Variants in LOXL3 observed in about 807,000 individuals in gnomAD.
LOXL3 encodes the protein lysyl oxidase homolog 3.
In LOXL3, 60 loss-of-function variants were observed where a neutral mutation model predicts 91.8. The observed-to-expected ratio is 0.65, with a 90% CI of 0.53 to 0.81. The LOEUF (loss-of-function observed/expected upper bound fraction) is 0.81. Ranked by LOEUF, LOXL3 falls within the 30% of genes least tolerant of loss-of-function variation. LOXL3 has a pLI of 0.00. For missense variants in LOXL3, 874 were observed against 1,000.4 expected (o/e 0.87, Z 1.70); for synonymous variants, 355 against 387.6 (o/e 0.92, Z 0.99).
Position 74,535,252 on chromosome 2 carries a change from A to G in LOXL3, c.1579+40T>C. ...TTCCCTGCAAACGGGTGGCCCAGAC[A>G]CTCCCTTCCCTGGCATGCATCACCC... On this transcript the variant is annotated intron_variant, in intron 9 of 13. Transcript: ENST00000264094. The surrounding 1 kb of genome is among the most constrained non-coding windows in gnomAD (Gnocchi z 4.2). The G allele has an allele frequency of 3.8e-6, 6 of 1,581,138 alleles. No individual in the cohort carries two copies. Among genetic ancestry groups the G allele is most frequent in the African/African-American group, 1.4e-5 (1 of 73,704 alleles).
chr2:74,549,621 G>T lies in LOXL3; in HGVS notation c.478-38C>A. 1 of 1,579,638 alleles carries T rather than the reference G, an allele frequency of 6.3e-7. No homozygotes were observed. Among genetic ancestry groups the T allele is most frequent in the South Asian group, 1.1e-5 (1 of 87,562 alleles). ...CCACAAGCAGGGAAAGAATCCCAGTGGCACCTTTCATGTGTCCCGCCGCCC... is the reference window on the plus strand; with the variant it reads ...CCACAAGCAGGGAAAGAATCCCAGTTGCACCTTTCATGTGTCCCGCCGCCC... On this transcript the variant is annotated intron_variant, in intron 3 of 13. Transcript: ENST00000264094. The surrounding 1 kb of genome is among the most constrained non-coding windows in gnomAD (Gnocchi z 5.3).
chr2:74,546,485 C>T (rs1476027802), intron 4 of LOXL3, among the ~76,000 whole-genome samples: 1 of 152,142 alleles, frequency 6.6e-6, no homozygotes, highest in Non-Finnish European at 1.5e-5. Context: ...CAGCTCCAGC[C>T]ACAGTGGCCT....
At position 74,536,246 on chromosome 2, in the gene LOXL3, G is replaced by A. The variant is rs370491103; in HGVS notation, c.1093+45C>T. 41 of 1,612,098 alleles carry A rather than the reference G, an allele frequency of 2.5e-5. No homozygotes were observed. The African/African-American group carries it at 4.9e-4, about 19-fold the overall frequency. ...TTCCGAAGGAATATGCCCCCCAGGA[G>A]CATGTACCTCCTTCCCTCTCCCTCC... On this transcript the variant is annotated intron_variant, in intron 6 of 13. Coordinates refer to ENST00000264094, the MANE Select transcript of LOXL3 (RefSeq NM_032603.5). This position sits in a 1 kb window ranked among gnomAD's most constrained non-coding sequence, Gnocchi z 4.5.
intron 2 of LOXL3, among the ~76,000 whole-genome samples, chr2:74,551,311 A>G (rs2104449348): frequency 6.6e-6 from 1 of 152,320 alleles, no homozygotes; most frequent in East Asian, 1.9e-4. Flanking sequence ...GCCAATGTTC[A>G]AGGACATCTC....
At position 74,552,489 on chromosome 2, in the gene LOXL3, A is replaced by G; in HGVS notation, c.146T>C (p.Phe49Ser). The G allele has an allele frequency of 1.2e-6, 2 of 1,613,522 alleles. No individual in the cohort carries two copies. Among genetic ancestry groups the G allele is most frequent in the Non-Finnish European group, 1.7e-6 (2 of 1,179,916 alleles). Reference protein sequence around the residue: ...SQGLRFRLAGFPRKPYEGRVE... With the variant: ...SQGLRFRLAGSPRKPYEGRVE... ...GCGGCCCTCGTAGGGCTTCCTGGGGAAGCCAGCCAGCCGGAACCGAAGCCC... is the reference window on the plus strand; with the variant it reads ...GCGGCCCTCGTAGGGCTTCCTGGGGGAGCCAGCCAGCCGGAACCGAAGCCC... The change falls in exon 2 of 14, where the codon TTC becomes TCC. Residue 49 changes from phenylalanine (F) to serine (S), a missense_variant. Physicochemically the swap from Phe to Ser is radical, Grantham distance 155 (BLOSUM62 -2). Coordinates refer to ENST00000264094, the MANE Select transcript of LOXL3 (RefSeq NM_032603.5).
upstream of LOXL3, chr2:74,554,633 C>A: frequency 2.2e-6 from 2 of 902,850 alleles, no homozygotes; most frequent in South Asian, 3.3e-5. The surrounding 1 kb of genome is among the most constrained non-coding windows in gnomAD (Gnocchi z 4.9). Flanking sequence ...CCACCGCGAC[C>A]CCCCCAGCGG....
intron 2 of LOXL3, among the ~76,000 whole-genome samples, chr2:74,552,029 G>C (rs1046579102): frequency 2.0e-5 from 3 of 152,236 alleles, no homozygotes; most frequent in Admixed American, 6.5e-5. Flanking sequence ...CTGTATCTGG[G>C]CTGTTTTGTG....
intron 1 of LOXL3, among the ~76,000 whole-genome samples, chr2:74,553,349 C>G (rs1345521774): frequency 1.3e-5 from 2 of 152,196 alleles, no homozygotes; most frequent in Non-Finnish European, 2.9e-5. Context: ...ACGCCCTCCC[C>G]AACACGCAGG....
intron 4 of LOXL3, among the ~76,000 whole-genome samples, chr2:74,545,464 C>G (rs1212806724): frequency 6.6e-6 from 1 of 152,220 alleles, no homozygotes; most frequent in Non-Finnish European, 1.5e-5. Context: ...ATTTTCTGGC[C>G]TCCCTTTATC....
chr2:74,551,080 G>A (rs1301854910), intron 2 of LOXL3, among the ~76,000 whole-genome samples: 2 of 152,152 alleles, frequency 1.3e-5, no homozygotes, highest in Non-Finnish European at 2.9e-5. Flanking sequence ...CTACAAGCAT[G>A]TGCCACCATA....
At chr2:74,534,821 C>G (rs1558617805) in intron 9 of LOXL3, 47 bp from the exon 10 acceptor site, 10 of 1,587,546 alleles carry the variant, frequency 6.3e-6, no homozygotes. Context: ...GCTGACTTCA[C>G]AGAGAGGGGT....
chr2:74,545,355 A>G (rs1362354553), intron 4 of LOXL3, among the ~76,000 whole-genome samples: 1 of 152,212 alleles, frequency 6.6e-6, no homozygotes, highest in Non-Finnish European at 1.5e-5. Flanking sequence ...CAAACTTTCA[A>G]AAACACTGGC....
Position 74,543,919 on chromosome 2 carries a change from A to AAAAAG in LOXL3, c.692+5445_692+5449dup, listed in dbSNP as rs1558624913. Among the ~76,000 whole-genome samples the AAAAAG allele has an allele frequency of 8.4e-4, 124 of 148,254 alleles. 1 individual carries two copies. Among genetic ancestry groups the AAAAAG allele is most frequent in the Middle Eastern group, 3.5e-3 (1 of 288 alleles). Reference sequence around the variant, plus strand: ...CTGTCTCAAAAAAAAAAAAAAAAAAAAAAAGAAAAGAAAAGAAAAAAAAGA... The same window carrying AAAAAG: ...CTGTCTCAAAAAAAAAAAAAAAAAAAAAAAGAAAAGAAAAGAAAAGAAAAAAAAGA... On this transcript the variant is annotated intron_variant, in intron 4 of 13. Coordinates refer to ENST00000264094, the MANE Select transcript of LOXL3 (RefSeq NM_032603.5).
At chr2:74,540,194 G>A (rs970196584) in intron 4 of LOXL3, among the ~76,000 whole-genome samples, 1 of 152,162 alleles carries the variant, frequency 6.6e-6, no homozygotes, top group Non-Finnish European at 1.5e-5. Flanking sequence ...ACATGACCAG[G>A]TGGGTGAGCA....
rs1317067301 is a variant in LOXL3, at chr2:74,534,717, T to A, written c.1637A>T (p.Asp546Val). Residue 546 changes from aspartate (D) to valine (V), a missense_variant, in exon 10 of 14, where the codon GAC becomes GTC. Physicochemically the swap from Asp to Val is radical, Grantham distance 152. Transcript: ENST00000264094. ...ACAGTACAACATATGCAGGGGCCGG[T>A]CTTCGATGTAGGCGGTCTCCTGCAC... ...ALVQETAYIE[D>V]RPLHMLYCAA... 1 of 1,614,142 alleles carries A rather than the reference T, an allele frequency of 6.2e-7. No individual in the cohort carries two copies. The highest frequency in any genetic ancestry group is 1.1e-5 in the South Asian group (1 of 91,080).
chr2:74,554,756 T>C (rs1390200620), upstream of LOXL3: 10 of 1,613,376 alleles, frequency 6.2e-6, no homozygotes, highest in South Asian at 1.1e-5. The surrounding 1 kb of genome is among the most constrained non-coding windows in gnomAD (Gnocchi z 4.9). Flanking sequence ...CCGGGGGCCA[T>C]GGACGGAGCA....
At position 74,544,124 on chromosome 2, in the gene LOXL3, T is replaced by G. The variant is rs58090860; in HGVS notation, c.692+5245A>C. 1.4e-4 allele frequency among the ~76,000 whole-genome samples: 21 copies of G among 151,928 alleles called. No homozygotes were observed. The East Asian group carries it at 3.9e-3, about 28-fold the overall frequency. The stretch of plus-strand genomic sequence containing the variant: ...TTCAAGACCAGCCTGGCGAGCATGG[T>G]GAAACCTCGTCTCTACTAAAAATAC... On this transcript the variant is annotated intron_variant, in intron 4 of 13. Coordinates refer to ENST00000264094, the MANE Select transcript of LOXL3 (RefSeq NM_032603.5).
chr2:74,532,448 A>G lies in LOXL3; in HGVS notation c.*1158T>C, dbSNP rs967545111. ...CATGTGGTGTACATCTTTTATGTACATGTTGCACTTTATTGCTAGAAGACA... is the reference window on the plus strand; with the variant it reads ...CATGTGGTGTACATCTTTTATGTACGTGTTGCACTTTATTGCTAGAAGACA... On this transcript the variant is annotated 3_prime_UTR_variant, in exon 14 of 14. Transcript: ENST00000264094. 3.0e-6 allele frequency: 2 copies of G among 671,362 alleles called. No homozygotes were observed. Among genetic ancestry groups the G allele is most frequent in the East Asian group, 2.8e-5 (1 of 35,328 alleles). The allele number at this position is 671,362 out of a possible 1,614,324, so 41.6% of individuals were successfully genotyped here. A position where few individuals can be genotyped will look rare whatever the true frequency, so the allele number is the denominator to read the frequency against.
intron 1 of LOXL3, 102 bp from the exon 2 acceptor site, chr2:74,552,748 T>A: frequency 9.8e-7 from 1 of 1,021,188 alleles, no homozygotes; most frequent in Non-Finnish European, 1.4e-6. Context: ...AGACACTGAG[T>A]AAGACAGAGA....
Sources: gnomAD v4.1 joint callset for allele counts (sites outside exome capture counted in the v4.1 genomes callset) on GRCh38, gnomAD v4.1.1 for gene constraint, Gnocchi (gnomAD v3.1) non-coding constraint, MANE v1.5 for transcripts, NCBI Gene and HGNC (gene_info 2026-07-23, HGNC 2026-07-21) for gene names.